TMEM132D: variants seen among roughly 807,000 people sequenced by gnomAD.
The protein encoded by TMEM132D is mature OL transmembrane protein.
A neutral mutation model predicts 62.3 loss-of-function variants in TMEM132D; 21 were observed. The observed-to-expected ratio is 0.34, with a 90% CI of 0.24 to 0.49. The LOEUF is 0.49. Ranked by LOEUF, TMEM132D falls within the 20% of genes least tolerant of loss-of-function variation. TMEM132D has a pLI of 0.99. For synonymous variants in TMEM132D, 621 were observed against 575.6 expected (o/e 1.08, Z -1.13); for missense variants, 1,346 against 1,402.8 (o/e 0.96, Z 0.65).
At chr12:129,078,858 T>C (rs1412768607) in intron 7 of TMEM132D, 133 bp from the exon 8 acceptor site, 7 of 796,016 alleles carry the variant, frequency 8.8e-6, no homozygotes, top group Non-Finnish European at 1.4e-5. Flanking sequence ...GAACAGGCCT[T>C]TCCCACTCAC....
At chr12:129,701,751 C>G (rs539774762) in intron 1 of TMEM132D, among the ~76,000 whole-genome samples, 12 of 152,298 alleles carry the variant, frequency 7.9e-5, no homozygotes, top group African/African-American at 2.6e-4. Flanking sequence ...ACTTTCTAGG[C>G]AAAGCTCCAC....
intron 2 of TMEM132D, among the ~76,000 whole-genome samples, chr12:129,641,220 A>G (rs1593101329): frequency 6.6e-6 from 1 of 152,314 alleles, no homozygotes; most frequent in South Asian, 2.1e-4. Flanking sequence ...GTTGCTATGT[A>G]AGGCACGACA....
intron 3 of TMEM132D, among the ~76,000 whole-genome samples, chr12:129,365,903 C>T (rs955950389): frequency 6.6e-6 from 1 of 152,030 alleles, no homozygotes. Context: ...CCAGGCAGCG[C>T]ATCTCCTTCC....
At chr12:129,701,829 T>G (rs7311162) in intron 1 of TMEM132D, among the ~76,000 whole-genome samples, 134,524 of 152,160 alleles carry the variant, frequency 0.88, 60,809 homozygotes, top group Non-Finnish European at 0.99. Flanking sequence ...CACTCATGGC[T>G]CCACCTTTCT....
intron 3 of TMEM132D, among the ~76,000 whole-genome samples, chr12:129,436,743 A>G (rs954173483): frequency 6.6e-6 from 1 of 152,200 alleles, no homozygotes; most frequent in Non-Finnish European, 1.5e-5. Flanking sequence ...ATAGAAAACC[A>G]AGTGTGTGCG....
At chr12:129,416,631 G>A (rs1360105106) in intron 3 of TMEM132D, among the ~76,000 whole-genome samples, 12 of 152,214 alleles carry the variant, frequency 7.9e-5, no homozygotes, top group East Asian at 1.9e-4. Context: ...GTCTTGTGCC[G>A]GTTTTCAAAG....
intron 3 of TMEM132D, among the ~76,000 whole-genome samples, chr12:129,362,301 G>A (rs1188153623): frequency 6.6e-6 from 1 of 152,088 alleles, no homozygotes; most frequent in Non-Finnish European, 1.5e-5. Context: ...CCAACACTCA[G>A]AAGTACAAGG....
intron 4 of TMEM132D, among the ~76,000 whole-genome samples, chr12:129,232,992 T>A (rs1479888693): frequency 6.6e-6 from 1 of 152,184 alleles, no homozygotes; most frequent in Non-Finnish European, 1.5e-5. Context: ...GGGATTATAA[T>A]TGGAGATGAG....
intron 7 of TMEM132D, among the ~76,000 whole-genome samples, 188 bp from the exon 8 acceptor site, chr12:129,078,913 T>G (rs556816515): frequency 4.3e-4 from 66 of 152,200 alleles, no homozygotes; most frequent in Non-Finnish European, 1.2e-4. Flanking sequence ...ATGTAATGCA[T>G]TTTTTGCATA....
chr12:129,424,571 G>A (rs1394978263), intron 3 of TMEM132D, among the ~76,000 whole-genome samples: 1 of 151,788 alleles, frequency 6.6e-6, no homozygotes, highest in Non-Finnish European at 1.5e-5. Flanking sequence ...AGCCGGGCGT[G>A]GTGGTGGGCA....
At position 129,500,192 on chromosome 12, in the gene TMEM132D, GT is replaced by G. The variant is rs1875092029; in HGVS notation, c.1115+30866del. Among the ~76,000 whole-genome samples, 3 of 138,280 alleles carry G rather than the reference GT, an allele frequency of 2.2e-5. No homozygotes were observed. The South Asian group carries it at 7.3e-4, about 33-fold the overall frequency. 90.7% of individuals were successfully genotyped at this position (138,280 alleles called of 152,430 possible). On this transcript the variant is annotated intron_variant, in intron 3 of 8. Transcript: ENST00000422113. ...CGGACCTCATCTGTCCCCTACTTCA[GT>G]TGGTTACCTCCAACTACATACCCTG...
rs1329689425 is a variant in TMEM132D, at chr12:129,337,723, C to T, written c.1210G>A (p.Glu404Lys). The T allele has an allele frequency of 2.5e-6, 4 of 1,614,098 alleles. No homozygotes were observed. The highest frequency in any genetic ancestry group is 2.7e-5 in the African/African-American group (2 of 74,948). ...TCAGACGTGATCTCTCCGGGGTACT[C>T]GACCTGCCACGTGACCAGCTGTGTG... ...PATQLVTWQV[E>K]YPGEITSDLG... The change falls in exon 4 of 9, where the codon GAG becomes AAG. Residue 404 changes from glutamate (E) to lysine (K), a missense_variant. Transcript: ENST00000422113.
chr12:129,209,475 G>A (rs768868840), intron 5 of TMEM132D, 45 bp downstream of exon 5: 1 of 1,608,478 alleles, frequency 6.2e-7, no homozygotes, highest in South Asian at 1.1e-5. Flanking sequence ...CACAGAAGCT[G>A]ACATGACAGC....
chr12:129,178,604 A>T (rs183581375), intron 5 of TMEM132D, among the ~76,000 whole-genome samples: 245 of 152,346 alleles, frequency 1.6e-3, no homozygotes, highest in African/African-American at 5.5e-3. Flanking sequence ...GAAAAACAAG[A>T]AACATAGGCC....
At chr12:129,592,037 GTT>G (rs1418940455) in intron 2 of TMEM132D, among the ~76,000 whole-genome samples, 1 of 152,034 alleles carries the variant, frequency 6.6e-6, no homozygotes, top group Non-Finnish European at 1.5e-5. Context: ...GGCTAATAAA[GTT>G]TTTTTCTTTC....
intron 1 of TMEM132D, among the ~76,000 whole-genome samples, chr12:129,861,343 T>C (rs1185234636): frequency 1.3e-5 from 2 of 152,232 alleles, no homozygotes; most frequent in African/African-American, 4.8e-5. Context: ...GGGAGAAATT[T>C]AGTTTATAGT....
chr12:129,123,318 T>G (rs1486643), intron 5 of TMEM132D, among the ~76,000 whole-genome samples: 21,689 of 152,190 alleles, frequency 0.14, 1,741 homozygotes, highest in Non-Finnish European at 0.18. Flanking sequence ...TTTGACAGTT[T>G]GTAATTAGTT....
At chr12:129,694,779 C>A (rs1204060181) in intron 2 of TMEM132D, among the ~76,000 whole-genome samples, 1 of 152,138 alleles carries the variant, frequency 6.6e-6, no homozygotes, top group Admixed American at 6.5e-5. Flanking sequence ...GAGGCTGAGG[C>A]GGGCAGCTCA....
intron 1 of TMEM132D, among the ~76,000 whole-genome samples, chr12:129,723,377 C>G (rs538221074): frequency 7.9e-5 from 12 of 152,334 alleles, no homozygotes; most frequent in South Asian, 4.1e-4. Flanking sequence ...GCTCTCTCTG[C>G]CCCTCCTCCG....
Sources: allele counts gnomAD v4.1 joint callset (sites outside exome capture counted in the v4.1 genomes callset), GRCh38; gene constraint gnomAD v4.1.1; transcripts MANE v1.5; gene names NCBI Gene and HGNC (gene_info 2026-07-23, HGNC 2026-07-21).